The following MSTO1 variants were observed in gnomAD, a reference collection of about 807,000 sequenced individuals.
The protein encoded by MSTO1 is protein misato homolog 1.
Under a neutral mutation model 55.7 loss-of-function variants are expected in MSTO1, and 24 were observed. That is an observed-to-expected ratio of 0.43 (90% confidence interval 0.31 to 0.61). The LOEUF (loss-of-function observed/expected upper bound fraction) is 0.61, where lower values mean the gene tolerates loss of function less well. Ranked by LOEUF, MSTO1 falls within the 20% of genes least tolerant of loss-of-function variation. The pLI is 0.09. For synonymous variants in MSTO1, 162 were observed against 252.8 expected, an observed-to-expected ratio of 0.64 and a Z score of 3.41; for missense variants, 363 against 625.7, an observed-to-expected ratio of 0.58 and a Z score of 4.48.
chr1:155,589,348 G>A, the MSTO1 span, among the ~76,000 whole-genome samples: 1 of 151,516 alleles, frequency 6.6e-6, no homozygotes, highest in Non-Finnish European at 1.5e-5. Context: ...AAGACCTGAG[G>A]CCAGACTGCT....
chr1:155,575,799 TATTTA>T, the MSTO1 span, among the ~76,000 whole-genome samples: 2 of 131,932 alleles, frequency 1.5e-5, no homozygotes, highest in Admixed American at 1.9e-4. Flanking sequence ...ATTTTATTTT[TATTTA>T]TTTATTTATT....
At chr1:155,613,435 A>T in intron 11 of MSTO1, 27 bp from the exon 12 acceptor site, 1 of 1,613,780 alleles carries the variant, frequency 6.2e-7, no homozygotes, top group Non-Finnish European at 8.5e-7. Flanking sequence ...CCACAGACTA[A>T]TGGTGGTTTT....
At chr1:155,572,020 C>T in the MSTO1 span, among the ~76,000 whole-genome samples, 3 of 147,960 alleles carry the variant, frequency 2.0e-5, no homozygotes, top group Admixed American at 1.4e-4. Context: ...GCAGCCTGGG[C>T]GACAGAGTGA....
chr1:155,591,200 G>A, the MSTO1 span: 6 of 1,612,286 alleles, frequency 3.7e-6, no homozygotes, highest in Admixed American at 1.0e-4. Flanking sequence ...AGGAGACCAG[G>A]CCATTCACCC....
intron 4 of MSTO1, 119 bp from the exon 5 acceptor site, chr1:155,611,430 T>C (rs1673984358): frequency 1.6e-5 from 25 of 1,601,456 alleles, no homozygotes; most frequent in Non-Finnish European, 2.1e-5. Flanking sequence ...TCCTAAGGAC[T>C]GCGACTCGGT....
chr1:155,600,265 C>G, the MSTO1 span, among the ~76,000 whole-genome samples: 255 of 152,330 alleles, frequency 1.7e-3, 1 homozygote, highest in African/African-American at 4.8e-3. Flanking sequence ...TGACTCTTAA[C>G]GAGCATGCTG....
chr1:155,603,027 C>T, the MSTO1 span, among the ~76,000 whole-genome samples: 2 of 151,940 alleles, frequency 1.3e-5, no homozygotes, highest in African/African-American at 4.8e-5. Flanking sequence ...ATCAGAATCC[C>T]TTATGTATGT....
At chr1:155,612,806 G>T in intron 9 of MSTO1, 38 bp from the exon 10 acceptor site, 1 of 1,611,210 alleles carries the variant, frequency 6.2e-7, no homozygotes, top group African/African-American at 1.3e-5. Flanking sequence ...TCTTTTCCAG[G>T]CCTGAGGCCA....
At chr1:155,564,859 C>T in the MSTO1 span, among the ~76,000 whole-genome samples, 4 of 152,186 alleles carry the variant, frequency 2.6e-5, no homozygotes, top group African/African-American at 7.2e-5. Flanking sequence ...TGGTAGCTCA[C>T]GCCTGTAATC....
At chr1:155,600,736 C>T in the MSTO1 span, among the ~76,000 whole-genome samples, 15 of 152,184 alleles carry the variant, frequency 9.9e-5, no homozygotes, top group African/African-American at 1.4e-4. Context: ...TTAGTATAGA[C>T]AGGGTTTTGC....
the MSTO1 span, among the ~76,000 whole-genome samples, chr1:155,597,667 G>A: frequency 2.6e-5 from 4 of 151,330 alleles, no homozygotes; most frequent in African/African-American, 7.3e-5. Flanking sequence ...GCGCCACCAC[G>A]CCTGGCTAAT....
the MSTO1 span, among the ~76,000 whole-genome samples, chr1:155,599,674 G>A: frequency 6.6e-6 from 1 of 152,168 alleles, no homozygotes; most frequent in Non-Finnish European, 1.5e-5. Flanking sequence ...TCAGCATATG[G>A]AGGATCCCGC....
At chr1:155,572,007 A>G in the MSTO1 span, among the ~76,000 whole-genome samples, 2 of 151,532 alleles carry the variant, frequency 1.3e-5, no homozygotes, top group African/African-American at 4.9e-5. Flanking sequence ...GCGCCACTGC[A>G]CTGCAGCCTG....
the MSTO1 span, chr1:155,602,276 C>A: frequency 3.2e-6 from 1 of 312,716 alleles, no homozygotes; most frequent in Non-Finnish European, 6.4e-6. Flanking sequence ...GTCGGAAGTT[C>A]GAAACCAGCG....
chr1:155,604,940 A>G, the MSTO1 span, among the ~76,000 whole-genome samples: 1 of 152,020 alleles, frequency 6.6e-6, no homozygotes, highest in African/African-American at 2.4e-5. Flanking sequence ...CTATTGACAC[A>G]AAACAGATAA....
the MSTO1 span, among the ~76,000 whole-genome samples, chr1:155,570,735 T>C: frequency 6.6e-6 from 1 of 152,288 alleles, no homozygotes; most frequent in East Asian, 1.9e-4. Context: ...TTAAACTTGA[T>C]TATAGGTATA....
the MSTO1 span, chr1:155,563,473 C>T: frequency 9.4e-4 from 429 of 456,630 alleles, 1 homozygote; most frequent in Non-Finnish European, 1.5e-3. Flanking sequence ...CAACCTGGGA[C>T]CCGAGGAAGA....
At chr1:155,586,629 C>T in the MSTO1 span, 2 of 474,132 alleles carry the variant, frequency 4.2e-6, no homozygotes, top group Middle Eastern at 3.5e-4. Flanking sequence ...TGTGCTTTAC[C>T]TTTCACTTTT....
In MSTO1 at chr1:155,613,051, G is replaced by A; in HGVS notation, c.1101G>A (p.Val367=). The A allele has an allele frequency of 1.2e-6, 2 of 1,613,742 alleles. No homozygotes were observed. Among genetic ancestry groups the A allele is most frequent in the Non-Finnish European group, 1.7e-6 (2 of 1,180,036 alleles). The change falls in exon 11 of 14, where the codon GTG becomes GTA. Residue 367 remains valine, a splice_region_variant and synonymous_variant. Transcript: ENST00000245564. ...CGTGTTCTCTTCCATCTCTTTAGGT[G>A]GTGACAGCAGGAGCAATCATCCCTT... ...ADMLSFCGKK[V]VTAGAIIPFP... is the part of the protein sequence containing the mutation.
Sources: gnomAD v4.1 joint callset for allele counts (sites outside exome capture counted in the v4.1 genomes callset) on GRCh38, gnomAD v4.1.1 for gene constraint, MANE v1.5 for transcripts, NCBI Gene and HGNC (gene_info 2026-07-23, HGNC 2026-07-21) for gene names.